The following DLG2 variants were observed in gnomAD, a reference collection of about 807,000 sequenced individuals.
DLG2 encodes discs large MAGUK scaffold protein 2, also known as disks large homolog 2.
DLG2 carries 45 observed loss-of-function variants against 132.5 expected under a neutral mutation model. The observed-to-expected ratio is 0.34, with a 90% CI of 0.27 to 0.44. The LOEUF is 0.44. Ranked by LOEUF, DLG2 falls within the 20% of genes least tolerant of loss-of-function variation. DLG2 has a pLI of 1.00. For synonymous variants in DLG2, 424 were observed against 419.6 expected (o/e 1.01, Z -0.13); for missense variants, 1,045 against 1,196.9 (o/e 0.87, Z 1.87).
At chr11:84,459,385 C>T (rs1567691603) in intron 7 of DLG2, among the ~76,000 whole-genome samples, 2 of 150,662 alleles carry the variant, frequency 1.3e-5, no homozygotes, top group African/African-American at 4.8e-5. Context: ...TATCACTTCT[C>T]TATTTATTAT....
chr11:83,638,701 A>C (rs2065516218), intron 18 of DLG2, among the ~76,000 whole-genome samples: 1 of 152,166 alleles, frequency 6.6e-6, no homozygotes, highest in Non-Finnish European at 1.5e-5. Context: ...ATACTTTGGG[A>C]CACTTGCCAT....
chr11:85,471,194 A>C (rs1427930003), intron 3 of DLG2, among the ~76,000 whole-genome samples: 1 of 152,222 alleles, frequency 6.6e-6, no homozygotes, highest in African/African-American at 2.4e-5. Context: ...CAGAGGATGA[A>C]AAAATTGGGC....
intron 11 of DLG2, among the ~76,000 whole-genome samples, chr11:83,991,795 T>C (rs903200747): frequency 1.3e-5 from 2 of 152,152 alleles, no homozygotes; most frequent in Non-Finnish European, 2.9e-5. Flanking sequence ...GGTTGAACTA[T>C]GTCCCCCAGA....
At chr11:84,751,501 C>T (rs1464403480) in intron 6 of DLG2, among the ~76,000 whole-genome samples, 1 of 151,998 alleles carries the variant, frequency 6.6e-6, no homozygotes, top group Non-Finnish European at 1.5e-5. Flanking sequence ...GTAGTTCTCA[C>T]TCTCTTTCTC....
intron 7 of DLG2, among the ~76,000 whole-genome samples, chr11:84,443,449 C>A (rs1192305989): frequency 6.6e-6 from 1 of 152,126 alleles, no homozygotes; most frequent in Non-Finnish European, 1.5e-5. Flanking sequence ...TGGTGGATCA[C>A]AGAATATGTC....
chr11:83,888,329 A>G (rs977264205), intron 15 of DLG2, among the ~76,000 whole-genome samples: 3 of 152,200 alleles, frequency 2.0e-5, no homozygotes, highest in African/African-American at 7.2e-5. Flanking sequence ...GAGCCAAATC[A>G]TGAGTGAACT....
At chr11:84,792,728 A>G (rs945772714) in intron 6 of DLG2, among the ~76,000 whole-genome samples, 25 of 152,110 alleles carry the variant, frequency 1.6e-4, no homozygotes, top group African/African-American at 6.0e-4. Context: ...CATGGTAGCC[A>G]CTAATGATCT....
chr11:85,026,828 C>T (rs1268690277), intron 6 of DLG2, among the ~76,000 whole-genome samples: 2 of 151,902 alleles, frequency 1.3e-5, no homozygotes, highest in Non-Finnish European at 2.9e-5. Context: ...GAGAGCAAGA[C>T]TCTGTCTCAA....
intron 7 of DLG2, among the ~76,000 whole-genome samples, chr11:84,420,645 GTTTTCTTTTTTTT>G (rs2098945989): frequency 2.0e-5 from 1 of 48,916 alleles, no homozygotes; most frequent in Admixed American, 3.2e-4. Context: ...ACCAATGCTT[GTTTTCTTTTTTTT>G]TTTTTTTTTT....
chr11:85,179,884 A>C (rs993892434), intron 4 of DLG2, among the ~76,000 whole-genome samples: 6 of 151,926 alleles, frequency 3.9e-5, no homozygotes, highest in Admixed American at 2.6e-4. Flanking sequence ...ATAGCCTATG[A>C]AGTTTATACT....
chr11:85,584,497 G>T (rs147763114), intron 3 of DLG2, among the ~76,000 whole-genome samples: 64 of 152,186 alleles, frequency 4.2e-4, no homozygotes, highest in African/African-American at 1.5e-3. Context: ...TTCATATAAT[G>T]ACATCTTTTC....
chr11:83,483,170 C>T, intron 22 of DLG2: 3 of 1,099,348 alleles, frequency 2.7e-6, no homozygotes, highest in Non-Finnish European at 4.2e-6. Flanking sequence ...GAGTGAAAGG[C>T]CCTCAGGAAA....
intron 6 of DLG2, among the ~76,000 whole-genome samples, chr11:84,893,798 T>C (rs983925570): frequency 6.6e-6 from 1 of 152,176 alleles, no homozygotes; most frequent in African/African-American, 2.4e-5. Flanking sequence ...GCTATTATTA[T>C]TAATATCTTA....
At chr11:85,092,399 AAATAT>A (rs1208172363) in intron 6 of DLG2, among the ~76,000 whole-genome samples, 12 of 152,148 alleles carry the variant, frequency 7.9e-5, no homozygotes, top group African/African-American at 2.7e-4. Flanking sequence ...AAAATCTCAA[AAATAT>A]AATTCTGAAA....
At position 83,502,699 on chromosome 11, in the gene DLG2, T is replaced by C. The variant is rs544630694; in HGVS notation, c.2194-18471A>G. On this transcript the variant is annotated intron_variant, in intron 21 of 27. Transcript: ENST00000376104. ...CAGACTAGTCTTTACTGGCTGGTCT[T>C]ACATACCTATCCTAAAGGTTATGTG... is the stretch of plus-strand genomic sequence containing the variant. Among the ~76,000 whole-genome samples the C allele has an allele frequency of 1.7e-4, 26 of 152,278 alleles. 1 individual carries two copies. The South Asian group carries it at 4.2e-3, about 24-fold the overall frequency.
intron 3 of DLG2, among the ~76,000 whole-genome samples, chr11:85,343,061 T>G (rs770446865): frequency 3.3e-5 from 5 of 152,252 alleles, no homozygotes; most frequent in Non-Finnish European, 7.3e-5. Flanking sequence ...TCTACCTTTA[T>G]ATGTCAATAA....
chr11:83,746,738 T>C (rs1423276336), intron 18 of DLG2, among the ~76,000 whole-genome samples: 3 of 152,090 alleles, frequency 2.0e-5, no homozygotes, highest in Non-Finnish European at 1.5e-5. Flanking sequence ...AAAAAAAAGT[T>C]TGTAATACTA....
chr11:84,372,311 G>A (rs140229400), intron 7 of DLG2, among the ~76,000 whole-genome samples: 7 of 152,136 alleles, frequency 4.6e-5, no homozygotes, highest in African/African-American at 9.6e-5. Context: ...ATGCTGGACC[G>A]CATATGCAGA....
chr11:84,404,250 A>G (rs1428737463), intron 7 of DLG2, among the ~76,000 whole-genome samples: 1 of 152,006 alleles, frequency 6.6e-6, no homozygotes, highest in Non-Finnish European at 1.5e-5. Flanking sequence ...TTAATAAGAC[A>G]TGTCCTTTTT....
Sources: allele counts gnomAD v4.1 joint callset (sites outside exome capture counted in the v4.1 genomes callset), GRCh38; gene constraint gnomAD v4.1.1; transcripts MANE v1.5; gene names NCBI Gene and HGNC (gene_info 2026-07-23, HGNC 2026-07-21).